DNAH10: variants seen among roughly 807,000 people sequenced by gnomAD.
The protein encoded by DNAH10 is axonemal beta dynein heavy chain 10.
Under a neutral mutation model 506.6 loss-of-function variants are expected in DNAH10, and 348 were observed. That is an observed-to-expected ratio of 0.69 (90% confidence interval 0.63 to 0.75). The LOEUF (loss-of-function observed/expected upper bound fraction) is 0.75, where lower values mean the gene tolerates loss of function less well. Among genes scored for constraint, DNAH10 ranks in the 30% least tolerant of loss-of-function variants. The pLI is 0.00. For missense variants in DNAH10, 5,179 were observed against 5,787.1 expected, an observed-to-expected ratio of 0.89 and a Z score of 3.41; for synonymous variants, 2,059 against 2,198.6, an observed-to-expected ratio of 0.94 and a Z score of 1.78.
At chr12:123,832,995 C>T in intron 26 of DNAH10, 119 bp from the exon 27 acceptor site, 2 of 713,370 alleles carry the variant, frequency 2.8e-6, no homozygotes, top group Non-Finnish European at 4.8e-6. Context: ...TTTCAGGAAA[C>T]AGACCCAGGA....
chr12:123,904,432 G>A (rs542966386), intron 57 of DNAH10, among the ~76,000 whole-genome samples: 28 of 152,086 alleles, frequency 1.8e-4, no homozygotes, highest in South Asian at 4.1e-4. Context: ...TAAAAACATC[G>A]TGAAAGCAGA....
At chr12:123,789,108 C>T (rs866088149) in intron 10 of DNAH10, among the ~76,000 whole-genome samples, 5 of 151,424 alleles carry the variant, frequency 3.3e-5, no homozygotes, top group Non-Finnish European at 5.9e-5. Context: ...ATTAGCTGGG[C>T]GTGGTGGCGG....
At position 123,926,273 on chromosome 12, in the gene DNAH10, CACACAAA is replaced by C. The variant is rs1009389506; in HGVS notation, c.11922-354_11922-348del. ...AAAAAAAAGAAAAAGAAAAAACCCA[CACACAAA>C]ACACAAAACTCAAAACTCAAGATGT... On this transcript the variant is annotated intron_variant, in intron 68 of 78. Coordinates refer to ENST00000673944, the MANE Select transcript of DNAH10 (RefSeq NM_001372106.1). This position sits in a 1 kb window ranked among gnomAD's most constrained non-coding sequence, Gnocchi z 4.1. Among the ~76,000 whole-genome samples the C allele has an allele frequency of 2.0e-5, 3 of 149,868 alleles. No individual in the cohort carries two copies. The highest frequency in any genetic ancestry group is 1.3e-4 in the Admixed American group (2 of 15,074).
In DNAH10 at chr12:123,897,943, G is replaced by A; in HGVS notation, c.9454G>A (p.Asp3152Asn). The A allele has an allele frequency of 3.8e-6, 6 of 1,596,816 alleles. No individual in the cohort carries two copies. The South Asian group carries it at 5.8e-5, about 15-fold the overall frequency. Residue 3152 changes from aspartate (D) to asparagine (N), a missense_variant, in exon 55 of 79, where the codon GAT (aspartate) becomes AAT (asparagine). Physicochemically the swap from Asp to Asn is conservative, Grantham distance 23. Transcript: ENST00000673944. The part of the protein sequence containing the change: ...DFINTYSKLL[D>N]EKTQCNIAQC... The stretch of plus-strand genomic sequence containing the variant: ...TATTAACACCTATTCAAAATTGCTG[G>A]ATGAGAAAACTCAGTGTAATATAGG...
At chr12:123,865,769 A>C (rs540872237) in intron 40 of DNAH10, among the ~76,000 whole-genome samples, 182 bp from the exon 41 acceptor site, 1 of 152,352 alleles carries the variant, frequency 6.6e-6, no homozygotes, top group African/African-American at 2.4e-5. Flanking sequence ...TTACATCAGA[A>C]GTGTGTAATC....
Position 123,893,346 on chromosome 12 carries a change from T to C in DNAH10, c.9109T>C (p.Phe3037Leu), listed in dbSNP as rs1485214311. Reference sequence around the variant, plus strand: ...GGCCAAGGAGTCTGTGTGGCAGTACTTCGTGAACAAAAGTGCAAATAACCT... The same window carrying C: ...GGCCAAGGAGTCTGTGTGGCAGTACCTCGTGAACAAAAGTGCAAATAACCT... Reference protein sequence around the residue: ...GPAKESVWQYFVNKSANNLHI... With the variant: ...GPAKESVWQYLVNKSANNLHI... Residue 3037 changes from phenylalanine to leucine, a missense_variant, in exon 53 of 79, where the codon TTC (phenylalanine) becomes CTC (leucine). Physicochemically the swap from Phe to Leu is conservative, Grantham distance 22. Coordinates refer to ENST00000673944, the MANE Select transcript of DNAH10 (RefSeq NM_001372106.1). 5.6e-6 allele frequency: 9 copies of C among 1,614,004 alleles called. No homozygotes were observed. The highest frequency in any genetic ancestry group is 7.6e-6 in the Non-Finnish European group (9 of 1,179,886).
chr12:123,929,250 CTG>C (rs1384519719), intron 70 of DNAH10, 23 bp from the exon 71 acceptor site: 10 of 1,565,240 alleles, frequency 6.4e-6, no homozygotes, highest in Admixed American at 3.8e-5. Flanking sequence ...GTCTCCATCA[CTG>C]TGTGTTTTCT....
At chr12:123,827,215 G>C (rs1238000972) in intron 25 of DNAH10, among the ~76,000 whole-genome samples, 1 of 152,126 alleles carries the variant, frequency 6.6e-6, no homozygotes, top group Non-Finnish European at 1.5e-5. Context: ...ACATCAAACG[G>C]AACTCACATA....
chr12:123,846,201 G>A lies in DNAH10; in HGVS notation c.5814+47G>A, dbSNP rs923276902. The A allele has an allele frequency of 1.2e-5, 19 of 1,573,476 alleles. No homozygotes were observed. The African/African-American group carries it at 2.2e-4, about 18-fold the overall frequency. On this transcript the variant is annotated intron_variant, in intron 32 of 78. Coordinates refer to ENST00000673944, the MANE Select transcript of DNAH10 (RefSeq NM_001372106.1). This position sits in a 1 kb window ranked among gnomAD's most constrained non-coding sequence, Gnocchi z 4.5. ...GTGGTTACCACTTACCTTGGGGCGG[G>A]GCATTTTCTCTAAGCTTGAGGTGTG...
At chr12:123,879,240 AT>A in intron 48 of DNAH10, 23 bp from the exon 49 acceptor site, 16 of 1,556,342 alleles carry the variant, frequency 1.0e-5, no homozygotes, top group Non-Finnish European at 1.4e-5. Context: ...TTCCTGGCTG[AT>A]TTTTGTCCCT....
intron 7 of DNAH10, among the ~76,000 whole-genome samples, chr12:123,783,719 A>G (rs1324598481): frequency 1.3e-5 from 2 of 152,156 alleles, no homozygotes; most frequent in African/African-American, 4.8e-5. Flanking sequence ...CTGGCCTCAC[A>G]TTCTGTACAC....
rs112810509 is a variant in DNAH10, at chr12:123,903,018, C to T, written c.9720C>T (p.Ala3240=). ...ACAAAGTCATTGCCATGGAGAAGGCCGAGGCCGAGACGACCCTGGCAGAGG... is the reference window on the plus strand; with the variant it reads ...ACAAAGTCATTGCCATGGAGAAGGCTGAGGCCGAGACGACCCTGGCAGAGG... The part of the protein sequence containing the change: ...EQNKVIAMEK[A]EAETTLAEVM... Residue 3240 remains alanine, a synonymous_variant, in exon 57 of 79, where the codon GCC becomes GCT. Coordinates refer to ENST00000673944, the MANE Select transcript of DNAH10 (RefSeq NM_001372106.1). This position sits in a 1 kb window ranked among gnomAD's most constrained non-coding sequence, Gnocchi z 4.6. 20 of 1,603,422 alleles carry T rather than the reference C, an allele frequency of 1.2e-5. No individual in the cohort carries two copies. Among genetic ancestry groups the T allele is most frequent in the Non-Finnish European group, 7.7e-6 (9 of 1,175,266 alleles).
chr12:123,928,744 TCTTTA>T lies in DNAH10; in HGVS notation c.12306+158_12306+162del, dbSNP rs1428130977. 1.2e-6 allele frequency: 1 copy of T among 832,976 alleles called. No individual in the cohort carries two copies. The highest frequency in any genetic ancestry group is 1.8e-6 in the Non-Finnish European group (1 of 549,138). 51.6% of individuals were successfully genotyped at this position (832,976 alleles called of 1,614,324 possible). A position where few individuals can be genotyped will look rare whatever the true frequency, so the allele number is the denominator to read the frequency against. On this transcript the variant is annotated intron_variant, in intron 70 of 78. Coordinates refer to ENST00000673944, the MANE Select transcript of DNAH10 (RefSeq NM_001372106.1). This position sits in a 1 kb window ranked among gnomAD's most constrained non-coding sequence, Gnocchi z 4.9. ...GAAACCCTTCTCAATCCCACCTCTC[TCTTTA>T]GAGGGAGCCGCTGTCCTGGGTTGGG...
chr12:123,887,483 C>A (rs1952789229), intron 52 of DNAH10, among the ~76,000 whole-genome samples, 170 bp downstream of exon 52: 1 of 152,158 alleles, frequency 6.6e-6, no homozygotes, highest in South Asian at 2.1e-4. Context: ...TCCTTGGCTC[C>A]TCCTGTCCTG....
chr12:123,926,644 C>A lies in DNAH10; in HGVS notation c.11929C>A (p.Gln3977Lys). The change falls in exon 69 of 79, where the codon CAG (glutamine) becomes AAG (lysine). Residue 3977 changes from glutamine (Q) to lysine (K), a missense_variant. Transcript: ENST00000673944. This position sits in a 1 kb window ranked among gnomAD's most constrained non-coding sequence, Gnocchi z 4.1. ...CTGTGTTTCTTTCACCAGGTATGTG[C>A]AGCCCCCAATGATCAGCTTTGAAGC... ...VTVTMGEKYV[Q>K]PPMISFEAIF... is the part of the protein sequence containing the mutation. 6.2e-7 allele frequency: 1 copy of A among 1,612,988 alleles called. No homozygotes were observed. The highest frequency in any genetic ancestry group is 8.5e-7 in the Non-Finnish European group (1 of 1,179,408).
intron 5 of DNAH10, among the ~76,000 whole-genome samples, chr12:123,780,139 C>T (rs1026743988): frequency 1.5e-5 from 2 of 131,808 alleles, no homozygotes; most frequent in Admixed American, 1.7e-4. Flanking sequence ...CCCCTCCCTC[C>T]CTCCCTCCTT....
chr12:123,854,131 G>T (rs1198359771), intron 36 of DNAH10, among the ~76,000 whole-genome samples: 1 of 129,564 alleles, frequency 7.7e-6, no homozygotes, highest in Non-Finnish European at 1.6e-5. Flanking sequence ...TTACAAAAAA[G>T]GAAGCTGTAA....
At chr12:123,887,692 G>A (rs904914158) in intron 52 of DNAH10, among the ~76,000 whole-genome samples, 3 of 152,152 alleles carry the variant, frequency 2.0e-5, no homozygotes, top group African/African-American at 7.2e-5. Flanking sequence ...GGGAGGCCAA[G>A]GAGGGAGGAT....
chr12:123,832,494 T>C (rs766948694), intron 26 of DNAH10, among the ~76,000 whole-genome samples: 16 of 152,066 alleles, frequency 1.1e-4, no homozygotes, highest in Non-Finnish European at 2.1e-4. Context: ...TATACACATA[T>C]ACATATGTAT....
Sources: allele counts gnomAD v4.1 joint callset (sites outside exome capture counted in the v4.1 genomes callset), GRCh38; gene constraint gnomAD v4.1.1; non-coding constraint Gnocchi (gnomAD v3.1); transcripts MANE v1.5; gene names NCBI Gene and HGNC (gene_info 2026-07-23, HGNC 2026-07-21).